The following LHFPL4 variants were observed in gnomAD, a reference collection of about 807,000 sequenced individuals.
The protein encoded by LHFPL4 is LHFPL tetraspan subfamily member 4, also known as LHFPL tetraspan subfamily member 4 protein.
In LHFPL4, 6 loss-of-function variants were observed where a neutral mutation model predicts 20.0. The observed-to-expected ratio is 0.30, with a 90% CI of 0.16 to 0.59. The LOEUF is 0.59. Ranked by LOEUF, LHFPL4 falls within the 20% of genes least tolerant of loss-of-function variation. The pLI, the probability that LHFPL4 is intolerant of heterozygous loss-of-function variation, is 0.88. For synonymous variants in LHFPL4, 129 were observed against 143.8 expected, an observed-to-expected ratio of 0.90 and a Z score of 0.74; for missense variants, 215 against 331.2, an observed-to-expected ratio of 0.65 and a Z score of 2.72.
chr3:9,532,680 A>G (rs992944264), intron 2 of LHFPL4, among the ~76,000 whole-genome samples: 2 of 152,200 alleles, frequency 1.3e-5, no homozygotes, highest in African/African-American at 4.8e-5. Flanking sequence ...CGGTTACACC[A>G]TCCTCTTTTA....
chr3:9,504,379 A>AG (rs1247421309), intron 3 of LHFPL4, among the ~76,000 whole-genome samples: 1 of 113,686 alleles, frequency 8.8e-6, no homozygotes, highest in Non-Finnish European at 1.8e-5. Context: ...CACTGTCTCA[A>AG]GGAAAAAAAA....
At chr3:9,507,974 C>T (rs755546821) in intron 2 of LHFPL4, among the ~76,000 whole-genome samples, 19 of 152,228 alleles carry the variant, frequency 1.2e-4, no homozygotes, top group Non-Finnish European at 2.8e-4. Flanking sequence ...CCAAAGGTTC[C>T]AGAGGGCTCT....
intron 2 of LHFPL4, among the ~76,000 whole-genome samples, chr3:9,539,029 T>C (rs1465493899): frequency 6.6e-6 from 1 of 152,274 alleles, no homozygotes; most frequent in Non-Finnish European, 1.5e-5. Context: ...CACTAAACTG[T>C]GCTGCCTCCA....
intron 2 of LHFPL4, among the ~76,000 whole-genome samples, chr3:9,540,268 T>A (rs1001205950): frequency 6.6e-6 from 1 of 152,214 alleles, no homozygotes; most frequent in Non-Finnish European, 1.5e-5. Context: ...TACACTGATA[T>A]GGAACTATCT....
intron 1 of LHFPL4, among the ~76,000 whole-genome samples, chr3:9,553,280 G>A (rs1235101603): frequency 6.6e-6 from 1 of 150,876 alleles, no homozygotes; most frequent in Non-Finnish European, 1.5e-5. Context: ...GGTTGGGAAG[G>A]TAATATGGGG....
At chr3:9,529,864 C>T (rs1476104159) in intron 2 of LHFPL4, among the ~76,000 whole-genome samples, 2 of 151,046 alleles carry the variant, frequency 1.3e-5, no homozygotes, top group East Asian at 1.9e-4. Context: ...AACTCCTGAC[C>T]TTCTGATCCA....
In LHFPL4 at chr3:9,506,820, A is replaced by G. The variant is rs1028097981; in HGVS notation, c.407-617T>C. Among the ~76,000 whole-genome samples, 1 of 152,184 alleles carries G rather than the reference A, an allele frequency of 6.6e-6. No individual in the cohort carries two copies. Among genetic ancestry groups the G allele is most frequent in the East Asian group, 1.9e-4 (1 of 5,194 alleles). ...GGTCTCGAACTCCTAACCTCAAGTGATCTGCCCACCTCAGCCTCCCAAAGT... is the reference window on the plus strand; with the variant it reads ...GGTCTCGAACTCCTAACCTCAAGTGGTCTGCCCACCTCAGCCTCCCAAAGT... On this transcript the variant is annotated intron_variant, in intron 2 of 3. Transcript: ENST00000287585. The surrounding 1 kb of genome is among the most constrained non-coding windows in gnomAD (Gnocchi z 4.5).
At chr3:9,522,146 A>T (rs116425026) in intron 2 of LHFPL4, among the ~76,000 whole-genome samples, 1 of 151,540 alleles carries the variant, frequency 6.6e-6, no homozygotes. Flanking sequence ...AGGCAGTACA[A>T]GTACCTTATT....
At chr3:9,543,012 A>C (rs2046487201) in intron 2 of LHFPL4, among the ~76,000 whole-genome samples, 1 of 152,166 alleles carries the variant, frequency 6.6e-6, no homozygotes, top group African/African-American at 2.4e-5. Flanking sequence ...GGTTGTGGTC[A>C]TGGTTGCATA....
chr3:9,524,909 T>C (rs568051704), intron 2 of LHFPL4, among the ~76,000 whole-genome samples: 2 of 152,276 alleles, frequency 1.3e-5, no homozygotes, highest in South Asian at 2.1e-4. Flanking sequence ...AGGGGAAGCA[T>C]TCTATAGTCC....
intron 2 of LHFPL4, among the ~76,000 whole-genome samples, chr3:9,536,569 C>G (rs1356456765): frequency 6.6e-6 from 1 of 152,190 alleles, no homozygotes; most frequent in East Asian, 1.9e-4. Context: ...ACCTTCCTCC[C>G]TGATTACCAC....
intron 2 of LHFPL4, among the ~76,000 whole-genome samples, chr3:9,549,186 C>G (rs1329494358): frequency 6.6e-6 from 1 of 152,120 alleles, no homozygotes; most frequent in Non-Finnish European, 1.5e-5. Context: ...AGTGACGTAA[C>G]TAGACAGTAT....
chr3:9,518,493 TC>T (rs1195655836), intron 2 of LHFPL4, among the ~76,000 whole-genome samples: 13 of 152,202 alleles, frequency 8.5e-5, no homozygotes, highest in African/African-American at 2.7e-4. Flanking sequence ...TGTAATTTCT[TC>T]CTTTAATGTT....
intron 2 of LHFPL4, among the ~76,000 whole-genome samples, chr3:9,544,804 T>C (rs1356922938): frequency 1.3e-5 from 2 of 152,168 alleles, no homozygotes; most frequent in African/African-American, 4.8e-5. Flanking sequence ...GTGATCATCC[T>C]GTTCCTCTTT....
At chr3:9,547,376 G>A (rs1389480912) in intron 2 of LHFPL4, among the ~76,000 whole-genome samples, 1 of 152,120 alleles carries the variant, frequency 6.6e-6, no homozygotes, top group Non-Finnish European at 1.5e-5. Context: ...CTCAAACCCA[G>A]TTGGGAGTGT....
intron 2 of LHFPL4, among the ~76,000 whole-genome samples, chr3:9,521,563 G>A (rs922977449): frequency 5.9e-5 from 9 of 151,916 alleles, no homozygotes; most frequent in African/African-American, 2.2e-4. Flanking sequence ...ACCACGCCCG[G>A]CTAATTTTTT....
rs1033441371 is a variant in LHFPL4, at chr3:9,524,130, T to C, written c.407-17927A>G. Among the ~76,000 whole-genome samples the C allele has an allele frequency of 6.6e-5, 10 of 152,276 alleles. No homozygotes were observed. The South Asian group carries it at 2.1e-3, about 32-fold the overall frequency. ...TTGTTGGTTTGTTTCTTGTTTTCCT[T>C]CTGGCTTGTTTCAGAATTTTTTCAT... On this transcript the variant is annotated intron_variant, in intron 2 of 3. Coordinates refer to ENST00000287585, the MANE Select transcript of LHFPL4 (RefSeq NM_198560.3).
chr3:9,517,060 C>T (rs547205838), intron 2 of LHFPL4, among the ~76,000 whole-genome samples: 1 of 152,164 alleles, frequency 6.6e-6, no homozygotes, highest in Non-Finnish European at 1.5e-5. Flanking sequence ...GGATTACAGG[C>T]ATGAGGCACC....
intron 3 of LHFPL4, 31 bp from the exon 4 acceptor site, chr3:9,502,342 G>C: frequency 6.8e-4 from 894 of 1,311,968 alleles, no homozygotes; most frequent in Non-Finnish European, 9.0e-4. Context: ...GAGAAGGAGA[G>C]AGAATTAGAG....
Sources: allele counts gnomAD v4.1 joint callset (sites outside exome capture counted in the v4.1 genomes callset), GRCh38; gene constraint gnomAD v4.1.1; non-coding constraint Gnocchi (gnomAD v3.1); transcripts MANE v1.5; gene names NCBI Gene and HGNC (gene_info 2026-07-23, HGNC 2026-07-21).